The following UST variants were observed in gnomAD, a reference collection of about 807,000 sequenced individuals.
UST encodes chondroitin sulfate 2-O-sulfotransferase.
In UST, 21 loss-of-function variants were observed where a neutral mutation model predicts 45.6. The ratio of observed to expected loss-of-function variants is 0.46; its 90% CI spans 0.33 to 0.66. The LOEUF (loss-of-function observed/expected upper bound fraction) is 0.66. Among genes scored for constraint, UST ranks in the 30% least tolerant of loss-of-function variants. UST has a pLI of 0.02. For synonymous variants in UST, 215 were observed against 200.6 expected, an observed-to-expected ratio of 1.07 and a Z score of -0.61; for missense variants, 463 against 512.4, an observed-to-expected ratio of 0.90 and a Z score of 0.93.
intron 1 of UST, among the ~76,000 whole-genome samples, chr6:148,800,774 ATTTTTT>A (rs35096958): frequency 8.5e-6 from 1 of 116,964 alleles, no homozygotes; most frequent in African/African-American, 3.1e-5. Flanking sequence ...TTCAGATCAG[ATTTTTT>A]TTTTTTTTTT....
At chr6:148,815,163 A>G (rs555217132) in intron 1 of UST, among the ~76,000 whole-genome samples, 1 of 152,382 alleles carries the variant, frequency 6.6e-6, no homozygotes, top group East Asian at 1.9e-4. Context: ...AGTAGAGCAT[A>G]TACATGAATA....
At chr6:148,924,136 C>T (rs1309112577) in intron 2 of UST, among the ~76,000 whole-genome samples, 2 of 152,194 alleles carry the variant, frequency 1.3e-5, no homozygotes, top group East Asian at 3.8e-4. Flanking sequence ...GGTCAGCAAA[C>T]TATGACCCAT....
At chr6:148,845,783 A>C (rs995479138) in intron 1 of UST, among the ~76,000 whole-genome samples, 1 of 152,226 alleles carries the variant, frequency 6.6e-6, no homozygotes, top group Non-Finnish European at 1.5e-5. Flanking sequence ...CAATATTTAA[A>C]AAGTTTTATG....
intron 2 of UST, among the ~76,000 whole-genome samples, chr6:148,888,249 C>T (rs748774554): frequency 5.9e-5 from 9 of 152,138 alleles, no homozygotes; most frequent in Non-Finnish European, 1.2e-4. Context: ...CTCACAGGAA[C>T]TCACTGTCGC....
At chr6:148,795,319 A>G (rs1355499597) in intron 1 of UST, among the ~76,000 whole-genome samples, 7 of 152,192 alleles carry the variant, frequency 4.6e-5, no homozygotes, top group African/African-American at 1.7e-4. Flanking sequence ...CGATGTGTTC[A>G]GGAAGTGCCC....
At chr6:148,883,870 G>A (rs562716665) in intron 1 of UST, among the ~76,000 whole-genome samples, 4 of 152,218 alleles carry the variant, frequency 2.6e-5, no homozygotes, top group African/African-American at 9.6e-5. Context: ...AGTGGCTCAC[G>A]CCTGTAATCC....
intron 1 of UST, among the ~76,000 whole-genome samples, chr6:148,819,394 T>A (rs1476057897): frequency 2.0e-5 from 3 of 152,234 alleles, no homozygotes; most frequent in Non-Finnish European, 4.4e-5. Context: ...GTCAGAAAAC[T>A]AAGCCCTGTT....
chr6:148,942,104 T>C (rs1362823878), intron 3 of UST, among the ~76,000 whole-genome samples: 1 of 152,136 alleles, frequency 6.6e-6, no homozygotes, highest in African/African-American at 2.4e-5. Flanking sequence ...GCTTTGCTAA[T>C]GTAGAAAAGT....
chr6:148,978,748 G>T (rs1048478974), intron 5 of UST, among the ~76,000 whole-genome samples: 4 of 152,096 alleles, frequency 2.6e-5, no homozygotes, highest in African/African-American at 9.7e-5. Flanking sequence ...TAGATGACAG[G>T]TTGATAGTTG....
At chr6:148,929,795 T>C (rs945084969) in intron 2 of UST, among the ~76,000 whole-genome samples, 3 of 152,200 alleles carry the variant, frequency 2.0e-5, no homozygotes, top group Non-Finnish European at 4.4e-5. Flanking sequence ...TGCAACTCAG[T>C]TGTCCTGCTG....
chr6:148,877,661 G>A lies in UST; in HGVS notation c.248-9325G>A, dbSNP rs144980710. Among the ~76,000 whole-genome samples the A allele has an allele frequency of 3.2e-3, 371 of 115,038 alleles. 7 individuals carry two copies. The highest frequency in any genetic ancestry group is 0.013 in the African/African-American group (344 of 26,902). 75.5% of individuals were successfully genotyped at this position (115,038 alleles called of 152,430 possible). A position where few individuals can be genotyped will look rare whatever the true frequency, so the allele number is the denominator to read the frequency against. ...TGAGTGTGGGGTCGTGTATGAGTGCGAGGGGTCATGTATGAGTGCAGGGGG... is the reference window on the plus strand; with the variant it reads ...TGAGTGTGGGGTCGTGTATGAGTGCAAGGGGTCATGTATGAGTGCAGGGGG... On this transcript the variant is annotated intron_variant, in intron 1 of 7. Transcript: ENST00000367463.
chr6:148,870,671 A>G (rs1244695674), intron 1 of UST, among the ~76,000 whole-genome samples: 1 of 152,022 alleles, frequency 6.6e-6, no homozygotes, highest in Non-Finnish European at 1.5e-5. Flanking sequence ...TGACTCCACT[A>G]CAGGATGCAT....
At chr6:148,929,378 A>G (rs1370207940) in intron 2 of UST, among the ~76,000 whole-genome samples, 2 of 152,162 alleles carry the variant, frequency 1.3e-5, no homozygotes, top group African/African-American at 2.4e-5. Flanking sequence ...AACATGAGAA[A>G]TTTTCTCAGG....
chr6:148,854,041 A>G (rs371691140), intron 1 of UST, among the ~76,000 whole-genome samples: 27 of 152,272 alleles, frequency 1.8e-4, no homozygotes, highest in African/African-American at 5.8e-4. Flanking sequence ...GAAGTCTGAT[A>G]GCTAGTGTCG....
At chr6:149,045,993 T>G (rs1008780328) in intron 7 of UST, among the ~76,000 whole-genome samples, 1 of 152,202 alleles carries the variant, frequency 6.6e-6, no homozygotes, top group Non-Finnish European at 1.5e-5. Flanking sequence ...GAAGCCAGAT[T>G]GCTGAATGCC....
At chr6:148,781,960 C>A (rs773804719) in intron 1 of UST, among the ~76,000 whole-genome samples, 26 of 152,210 alleles carry the variant, frequency 1.7e-4, no homozygotes, top group Non-Finnish European at 3.2e-4. Context: ...CCTAGTCACT[C>A]AAGGTCTCTG....
At chr6:149,047,253 A>AAGAGG (rs796594889) in intron 7 of UST, among the ~76,000 whole-genome samples, 8 of 152,356 alleles carry the variant, frequency 5.3e-5, no homozygotes, top group African/African-American at 1.9e-4. Context: ...ATGGGAAAAA[A>AAGAGG]GATTATGCCT....
intron 2 of UST, among the ~76,000 whole-genome samples, chr6:148,898,689 A>G (rs1393456354): frequency 6.6e-6 from 1 of 152,178 alleles, no homozygotes; most frequent in Non-Finnish European, 1.5e-5. Context: ...CACATCTTTC[A>G]TTTTTCTAAT....
At chr6:148,772,977 C>G (rs1030212296) in intron 1 of UST, among the ~76,000 whole-genome samples, 50 of 152,064 alleles carry the variant, frequency 3.3e-4, no homozygotes, top group Non-Finnish European at 2.5e-4. Context: ...ATTCAGCAAA[C>G]TTTTGCAAGT....
Sources: gnomAD v4.1 joint callset for allele counts (sites outside exome capture counted in the v4.1 genomes callset) on GRCh38, gnomAD v4.1.1 for gene constraint, MANE v1.5 for transcripts, NCBI Gene and HGNC (gene_info 2026-07-23, HGNC 2026-07-21) for gene names.